ZNF143: variants seen among roughly 807,000 people sequenced by gnomAD.
The protein encoded by ZNF143 is zinc finger protein 143, also known as SPH-binding factor.
Under a neutral mutation model 74.1 loss-of-function variants are expected in ZNF143, and 49 were observed. That is an observed-to-expected ratio of 0.66 (90% CI 0.53 to 0.84). The LOEUF is 0.84. ZNF143 is among the 40% of genes least tolerant of loss of function. The pLI is 0.00. For synonymous variants in ZNF143, 304 were observed against 282.8 expected (o/e 1.07, Z -0.75); for missense variants, 637 against 793.4 (o/e 0.80, Z 2.37).
At chr11:9,486,070 G>T (rs1437620675) in intron 7 of ZNF143, among the ~76,000 whole-genome samples, 1 of 150,404 alleles carries the variant, frequency 6.6e-6, no homozygotes, top group Non-Finnish European at 1.5e-5. Context: ...TTTGACCATG[G>T]GCAAGTTACA....
chr11:9,476,892 T>G (rs1253242249), intron 5 of ZNF143, among the ~76,000 whole-genome samples: 1 of 149,618 alleles, frequency 6.7e-6, no homozygotes, highest in Non-Finnish European at 1.5e-5. Flanking sequence ...TCGGAGTAGC[T>G]GGGACTACAG....
At position 9,512,522 on chromosome 11, in the gene ZNF143, A is replaced by C. The variant is rs1200676873; in HGVS notation, c.1450A>C (p.Thr484Pro). Residue 484 changes from threonine to proline, a missense_variant, in exon 13 of 16, where the codon ACA becomes CCA. This residue lies in a region of ZNF143 where 344 missense variants were observed against 485.6 expected (regional missense o/e 0.71). Coordinates refer to ENST00000396602, the MANE Select transcript of ZNF143 (RefSeq NM_003442.6). Reference protein sequence around the residue: ...TGVEGDDVVSTQVATVTQSGL... With the variant: ...TGVEGDDVVSPQVATVTQSGL... ...TGTAGAAGGGGACGACGTTGTTTCT[A>C]CACAAGTAGCCACAGTAACCCAATC... 3.7e-6 allele frequency: 6 copies of C among 1,614,088 alleles called. No homozygotes were observed. Among genetic ancestry groups the C allele is most frequent in the Non-Finnish European group, 5.1e-6 (6 of 1,180,028 alleles).
intron 14 of ZNF143, 45 bp from the exon 15 acceptor site, chr11:9,525,195 C>T (rs916020686): frequency 4.4e-6 from 7 of 1,608,342 alleles, no homozygotes; most frequent in African/African-American, 4.0e-5. Context: ...ATTTAAATCG[C>T]AGGTTTAATT....
chr11:9,489,333 A>G (rs1055333986), intron 7 of ZNF143, among the ~76,000 whole-genome samples: 2 of 152,148 alleles, frequency 1.3e-5, no homozygotes, highest in African/African-American at 2.4e-5. Context: ...GTTGTCACCC[A>G]TGTCCCCACC....
chr11:9,527,426 A>G, intron 15 of ZNF143, 104 bp from the exon 16 acceptor site: 1 of 1,037,048 alleles, frequency 9.6e-7, no homozygotes. Context: ...CAAGTGTCAG[A>G]ATTACAGAGA....
At chr11:9,519,789 ATAG>A (rs1848846921) in intron 14 of ZNF143, among the ~76,000 whole-genome samples, 1 of 152,128 alleles carries the variant, frequency 6.6e-6, no homozygotes, top group Non-Finnish European at 1.5e-5. Context: ...CCTTTCTATG[ATAG>A]TACCAAACAA....
intron 11 of ZNF143, among the ~76,000 whole-genome samples, chr11:9,506,290 C>G (rs1177236939): frequency 6.6e-6 from 1 of 152,208 alleles, no homozygotes; most frequent in Non-Finnish European, 1.5e-5. Context: ...CGAGATCACA[C>G]CATTGCACTT....
chr11:9,494,038 G>A (rs1460692509), intron 7 of ZNF143, among the ~76,000 whole-genome samples: 3 of 152,154 alleles, frequency 2.0e-5, no homozygotes, highest in Non-Finnish European at 4.4e-5. Flanking sequence ...GTATATTAAG[G>A]AATACCTGCA....
chr11:9,523,051 G>A (rs1300754213), intron 14 of ZNF143, among the ~76,000 whole-genome samples: 1 of 152,174 alleles, frequency 6.6e-6, no homozygotes, highest in Non-Finnish European at 1.5e-5. Flanking sequence ...TTACAAGCGT[G>A]AGCCATCATG....
intron 13 of ZNF143, among the ~76,000 whole-genome samples, chr11:9,514,087 G>A (rs1449091953): frequency 6.6e-6 from 1 of 152,048 alleles, no homozygotes. Context: ...TTTCAGAGGT[G>A]AGGTCTCACT....
intron 14 of ZNF143, among the ~76,000 whole-genome samples, chr11:9,524,278 A>C (rs1040782447): frequency 2.6e-5 from 4 of 152,068 alleles, no homozygotes; most frequent in African/African-American, 9.7e-5. Context: ...TCTTTTGAGA[A>C]TCCCCTCTAG....
chr11:9,512,847 A>G (rs1848599594), intron 13 of ZNF143, among the ~76,000 whole-genome samples: 1 of 152,226 alleles, frequency 6.6e-6, no homozygotes, highest in African/African-American at 2.4e-5. Flanking sequence ...TCAGCCACAG[A>G]GAGGCTCAGG....
At chr11:9,500,314 G>A (rs1307838117) in intron 10 of ZNF143, among the ~76,000 whole-genome samples, 1 of 148,172 alleles carries the variant, frequency 6.7e-6, no homozygotes, top group Non-Finnish European at 1.5e-5. Context: ...TGACATATGT[G>A]CTAGGCACTA....
intron 3 of ZNF143, among the ~76,000 whole-genome samples, 156 bp downstream of exon 3, chr11:9,472,925 T>C (rs1856669629): frequency 6.6e-6 from 1 of 151,942 alleles, no homozygotes. Flanking sequence ...TTTTTTTTTT[T>C]TTTTTTATAA....
At chr11:9,527,298 G>A (rs1386362360) in intron 15 of ZNF143, among the ~76,000 whole-genome samples, 1 of 152,170 alleles carries the variant, frequency 6.6e-6, no homozygotes, top group Non-Finnish European at 1.5e-5. Flanking sequence ...ACCAGGCCTG[G>A]CTGCACATAG....
chr11:9,501,789 A>G (rs892166076), intron 11 of ZNF143, among the ~76,000 whole-genome samples: 7 of 152,140 alleles, frequency 4.6e-5, no homozygotes, highest in African/African-American at 9.7e-5. Context: ...AGCATTAAGT[A>G]CATGTAGAAG....
At chr11:9,486,432 TATATATA>T (rs1376079453) in intron 7 of ZNF143, among the ~76,000 whole-genome samples, 9 of 46,458 alleles carry the variant, frequency 1.9e-4, no homozygotes, top group South Asian at 5.1e-4. Flanking sequence ...ATATATATTA[TATATATA>T]ATATATTATA....
chr11:9,486,355 TATA>T (rs1847479493), intron 7 of ZNF143, among the ~76,000 whole-genome samples: 1 of 52,094 alleles, frequency 1.9e-5, no homozygotes, highest in Non-Finnish European at 3.6e-5. Flanking sequence ...ATATATATTA[TATA>T]TATATTATAT....
At chr11:9,464,330 G>A (rs1403642702) in intron 1 of ZNF143, among the ~76,000 whole-genome samples, 3 of 152,176 alleles carry the variant, frequency 2.0e-5, no homozygotes, top group Non-Finnish European at 4.4e-5. Context: ...GCCAGGCGTG[G>A]TGGCTCACGC....
Sources: allele counts gnomAD v4.1 joint callset (sites outside exome capture counted in the v4.1 genomes callset), GRCh38; gene constraint gnomAD v4.1.1; regional missense constraint gnomAD v4.1.1; transcripts MANE v1.5; gene names NCBI Gene and HGNC (gene_info 2026-07-23, HGNC 2026-07-21).